Variants in UAP1 observed in about 807,000 individuals in gnomAD.
The protein encoded by UAP1 is UDP-N-acetylglucosamine pyrophosphorylase 1, also known as UDP-N-acetylhexosamine pyrophosphorylase.
UAP1 carries 25 observed loss-of-function variants against 58.5 expected under a neutral mutation model. That is an observed-to-expected ratio of 0.43 (90% CI 0.31 to 0.60). UAP1 has a LOEUF of 0.60. UAP1 is among the 20% of genes least tolerant of loss of function. The pLI is 0.11. For missense variants in UAP1, 575 were observed against 630.0 expected (o/e 0.91, Z 0.93); for synonymous variants, 208 against 213.0 (o/e 0.98, Z 0.21).
rs201254206 is a variant in UAP1 at position 162,566,173 on chromosome 1, A to G, written c.105A>G (p.Ala35=). The G allele has an allele frequency of 1.5e-5, 24 of 1,614,114 alleles. No homozygotes were observed. In the African/African-American group the frequency reaches 3.2e-4, roughly 22 times the overall value. Residue 35 remains alanine, a synonymous_variant, in exon 2 of 11, where the codon GCA becomes GCG. Transcript: ENST00000271469. ...AAGCCCAACAGGTAGAACTTTATGC[A>G]GAGCTCCAGGCCATGAACTTTGAGG...
intron 2 of UAP1, among the ~76,000 whole-genome samples, chr1:162,571,427 C>A (rs1653860018): frequency 6.6e-6 from 1 of 152,062 alleles, no homozygotes; most frequent in Non-Finnish European, 1.5e-5. Flanking sequence ...CTGCACCTGG[C>A]CGCTTTTTAA....
At chr1:162,583,404 C>T (rs2101798103) in intron 5 of UAP1, among the ~76,000 whole-genome samples, 2 of 152,168 alleles carry the variant, frequency 1.3e-5, no homozygotes, top group Admixed American at 1.3e-4. Flanking sequence ...CCACACACCT[C>T]AGCCTCCCAA....
intron 9 of UAP1, among the ~76,000 whole-genome samples, chr1:162,595,809 C>A (rs1346270880): frequency 1.3e-5 from 2 of 152,084 alleles, no homozygotes; most frequent in Non-Finnish European, 2.9e-5. Context: ...CTCTGGGAGG[C>A]AGTGACTTAG....
exon 1 of UAP1, chr1:162,561,650 G>C (rs1001975037): frequency 2.0e-5 from 3 of 151,898 alleles, no homozygotes; most frequent in Non-Finnish European, 4.4e-5. Flanking sequence ...CTTGGCCCCC[G>C]CTCCCGGCCC....
exon 5 of UAP1, chr1:162,581,331 G>C (rs1217449206): frequency 6.2e-7 from 1 of 1,613,792 alleles, no homozygotes; most frequent in African/African-American, 1.3e-5. Flanking sequence ...CCAGAATATT[G>C]TGGAGGATAT....
intron 10 of UAP1, among the ~76,000 whole-genome samples, chr1:162,598,857 A>G (rs929206730): frequency 6.6e-6 from 1 of 152,158 alleles, no homozygotes; most frequent in Non-Finnish European, 1.5e-5. Context: ...CTACTAAAAA[A>G]TACAAAAACT....
At chr1:162,580,709 C>T (rs1462435784) in intron 4 of UAP1, among the ~76,000 whole-genome samples, 4 of 152,160 alleles carry the variant, frequency 2.6e-5, no homozygotes, top group Non-Finnish European at 4.4e-5. Context: ...AATTTTTCAT[C>T]ACTTAAGCTA....
At position 162,596,541 on chromosome 1, in the gene UAP1, A is replaced by C. The variant is rs76996117; in HGVS notation, c.1410-1251A>C. On this transcript the variant is annotated intron_variant, in intron 9 of 10. Transcript: ENST00000271469. ...TATGAAATGCAGTGGTCAAGAGAAGATTGGGGCTTGAGCCAAATCTTGGAG... is the reference window on the plus strand; with the variant it reads ...TATGAAATGCAGTGGTCAAGAGAAGCTTGGGGCTTGAGCCAAATCTTGGAG... Among the ~76,000 whole-genome samples the C allele has an allele frequency of 0.016, 2,381 of 152,336 alleles. 191 individuals are homozygous for C. In the East Asian group the frequency reaches 0.22, roughly 14 times the overall value.
intron 3 of UAP1, among the ~76,000 whole-genome samples, chr1:162,578,967 G>A (rs1283582373): frequency 6.6e-6 from 1 of 152,096 alleles, no homozygotes; most frequent in Non-Finnish European, 1.5e-5. Context: ...ACAACAGAAA[G>A]TATAATTATA....
chr1:162,585,846 C>CA (rs1654877778), intron 5 of UAP1, among the ~76,000 whole-genome samples: 1 of 151,406 alleles, frequency 6.6e-6, no homozygotes, highest in Non-Finnish European at 1.5e-5. Flanking sequence ...AGTAAGATAC[C>CA]CACTGTAGGT....
intron 3 of UAP1, among the ~76,000 whole-genome samples, chr1:162,579,226 G>A (rs78667267): frequency 0.011 from 1,617 of 152,260 alleles, 22 homozygotes; most frequent in African/African-American, 0.037. Context: ...TATTTCATAC[G>A]TAAGAGTTGA....
chr1:162,586,001 G>A (rs1361154915), intron 5 of UAP1, among the ~76,000 whole-genome samples: 1 of 152,158 alleles, frequency 6.6e-6, no homozygotes, highest in African/African-American at 2.4e-5. Context: ...ATTAAGAACT[G>A]TGTTCCTTTC....
At chr1:162,576,559 A>G (rs1161602650) in intron 2 of UAP1, among the ~76,000 whole-genome samples, 1 of 152,064 alleles carries the variant, frequency 6.6e-6, no homozygotes, top group Non-Finnish European at 1.5e-5. Context: ...CTATCTTGTT[A>G]TTTCAGTCCC....
At chr1:162,581,584 T>A in intron 5 of UAP1, 125 bp downstream of exon 5, 1 of 1,018,206 alleles carries the variant, frequency 9.8e-7, no homozygotes, top group Non-Finnish European at 1.4e-6. Context: ...CTCTCTAAAG[T>A]AACTAAACGG....
At chr1:162,568,936 T>A (rs1020475178) in intron 2 of UAP1, among the ~76,000 whole-genome samples, 3 of 152,336 alleles carry the variant, frequency 2.0e-5, no homozygotes, top group South Asian at 4.1e-4. Context: ...CTAGTCTACA[T>A]TTATGACTTT....
At chr1:162,570,707 CT>C (rs1464339281) in intron 2 of UAP1, among the ~76,000 whole-genome samples, 8 of 152,136 alleles carry the variant, frequency 5.3e-5, no homozygotes, top group Admixed American at 2.6e-4. Flanking sequence ...ATTGTAGTTT[CT>C]TTCAGCTATA....
intron 2 of UAP1, among the ~76,000 whole-genome samples, chr1:162,574,156 G>T (rs1384458622): frequency 6.9e-6 from 1 of 145,772 alleles, no homozygotes; most frequent in African/African-American, 2.6e-5. Context: ...GCAGTGGCAC[G>T]ATCTCAGCTC....
At chr1:162,581,511 A>G in intron 5 of UAP1, 52 bp downstream of exon 5, 1 of 1,536,228 alleles carries the variant, frequency 6.5e-7, no homozygotes, top group Admixed American at 1.9e-5. Context: ...GCTCTGTCAT[A>G]TACGCATTCC....
intron 3 of UAP1, among the ~76,000 whole-genome samples, chr1:162,577,606 G>T (rs1654284578): frequency 6.6e-6 from 1 of 150,776 alleles, no homozygotes; most frequent in South Asian, 2.1e-4. Flanking sequence ...CTGCCACCAT[G>T]CCTGGCTAAT....
Sources: allele counts gnomAD v4.1 joint callset (sites outside exome capture counted in the v4.1 genomes callset), GRCh38; gene constraint gnomAD v4.1.1; transcripts MANE v1.5; gene names NCBI Gene and HGNC (gene_info 2026-07-23, HGNC 2026-07-21).